The following NLGN1 variants were observed in gnomAD, a reference collection of about 807,000 sequenced individuals.
The protein encoded by NLGN1 is neuroligin-1.
A neutral mutation model predicts 65.5 loss-of-function variants in NLGN1; 12 were observed. The ratio of observed to expected loss-of-function variants is 0.18; its 90% CI spans 0.12 to 0.30. NLGN1 has a LOEUF of 0.30. Ranked by LOEUF, NLGN1 falls within the 10% of genes least tolerant of loss-of-function variation. The probability of loss-of-function intolerance (pLI) is 1.00; values close to 1 mark genes in which losing one functional copy is unlikely to be tolerated. For missense variants in NLGN1, 750 were observed against 1,007.1 expected, an observed-to-expected ratio of 0.74 and a Z score of 3.46; for synonymous variants, 350 against 359.5, an observed-to-expected ratio of 0.97 and a Z score of 0.30.
chr3:173,947,850 A>T (rs571987333), intron 4 of NLGN1, among the ~76,000 whole-genome samples: 2 of 152,346 alleles, frequency 1.3e-5, no homozygotes, highest in East Asian at 3.9e-4. Flanking sequence ...GTATAGAGTT[A>T]AGCAAATATC....
intron 4 of NLGN1, among the ~76,000 whole-genome samples, chr3:173,909,822 G>A (rs1453904630): frequency 6.6e-6 from 1 of 152,146 alleles, no homozygotes; most frequent in Non-Finnish European, 1.5e-5. Context: ...GGGAATACGG[G>A]CATGTGCCAC....
At chr3:174,233,486 CATAATAATAATAATA>C (rs57467873) in intron 4 of NLGN1, among the ~76,000 whole-genome samples, 7 of 146,910 alleles carry the variant, frequency 4.8e-5, no homozygotes, top group Non-Finnish European at 6.0e-5. Context: ...AACTCTGTCT[CATAATAATAATAATA>C]ATAATAATAA....
intron 2 of NLGN1, among the ~76,000 whole-genome samples, chr3:173,542,877 G>A (rs1382298696): frequency 1.3e-5 from 2 of 152,022 alleles, no homozygotes; most frequent in African/African-American, 4.8e-5. Context: ...ACTATAGAAC[G>A]TATCCTTTTA....
intron 4 of NLGN1, among the ~76,000 whole-genome samples, chr3:173,935,593 TACACACACAC>T (rs769538665): frequency 1.4e-5 from 2 of 142,688 alleles, no homozygotes; most frequent in Admixed American, 7.2e-5. Flanking sequence ...ATATACAGTC[TACACACACAC>T]ACACACACAC....
At chr3:174,123,432 T>C (rs1718198396) in intron 4 of NLGN1, among the ~76,000 whole-genome samples, 1 of 152,162 alleles carries the variant, frequency 6.6e-6, no homozygotes, top group African/African-American at 2.4e-5. Flanking sequence ...TTTTGTTTTG[T>C]TTACAATTCT....
intron 4 of NLGN1, among the ~76,000 whole-genome samples, chr3:173,843,338 A>T (rs1725149367): frequency 6.6e-6 from 1 of 152,236 alleles, no homozygotes; most frequent in Non-Finnish European, 1.5e-5. Context: ...GGGGATTAGC[A>T]TTCAGCTCCT....
At chr3:173,498,090 C>T (rs1730336460) in intron 2 of NLGN1, among the ~76,000 whole-genome samples, 1 of 151,566 alleles carries the variant, frequency 6.6e-6, no homozygotes, top group Admixed American at 6.6e-5. Flanking sequence ...TTTTAGGGTA[C>T]ATGTGCACAA....
intron 4 of NLGN1, among the ~76,000 whole-genome samples, chr3:173,901,559 C>A (rs12497584): frequency 2.0e-5 from 3 of 151,578 alleles, no homozygotes; most frequent in Non-Finnish European, 2.9e-5. Flanking sequence ...TGTAAGACTT[C>A]GGTATGTATG....
chr3:173,409,014 C>T (rs374276682), intron 1 of NLGN1, among the ~76,000 whole-genome samples: 31 of 151,988 alleles, frequency 2.0e-4, no homozygotes, highest in Non-Finnish European at 4.1e-4. Flanking sequence ...CATTTCTTCA[C>T]GAGCCTTCTC....
rs184009181 is a variant in NLGN1, at chr3:173,638,217, G to A, written c.493+33126G>A. ...TTTTTTTTTTTTATGTAGCCATAAAGGTGAAAAACTTGGCTGTGACTCTGT... is the reference window on the plus strand; with the variant it reads ...TTTTTTTTTTTTATGTAGCCATAAAAGTGAAAAACTTGGCTGTGACTCTGT... On this transcript the variant is annotated intron_variant, in intron 3 of 6. Transcript: ENST00000457714. Among the ~76,000 whole-genome samples the A allele has an allele frequency of 7.3e-3, 1,097 of 151,114 alleles. 17 individuals are homozygous for A. Among genetic ancestry groups the A allele is most frequent in the African/African-American group, 0.024 (990 of 41,240 alleles).
chr3:173,735,895 C>A (rs191804018), intron 3 of NLGN1, among the ~76,000 whole-genome samples: 27 of 152,046 alleles, frequency 1.8e-4, no homozygotes. Context: ...TTTTGAAATG[C>A]TTTTTTGTGT....
At chr3:173,885,815 A>C (rs1182276290) in intron 4 of NLGN1, among the ~76,000 whole-genome samples, 2 of 152,108 alleles carry the variant, frequency 1.3e-5, no homozygotes, top group Non-Finnish European at 2.9e-5. Flanking sequence ...AAATATGAAA[A>C]ACTGTATAAA....
intron 2 of NLGN1, among the ~76,000 whole-genome samples, chr3:173,516,657 T>C (rs2149115820): frequency 6.6e-6 from 1 of 152,202 alleles, no homozygotes; most frequent in Non-Finnish European, 1.5e-5. Context: ...GAAAACAAAG[T>C]CCAGGTTTCT....
chr3:173,850,661 A>G (rs1726739655), intron 4 of NLGN1, among the ~76,000 whole-genome samples: 1 of 152,124 alleles, frequency 6.6e-6, no homozygotes, highest in Non-Finnish European at 1.5e-5. Context: ...TGAAGTCCAC[A>G]TTTAACTAAT....
At chr3:174,107,762 A>G (rs1056900362) in intron 4 of NLGN1, among the ~76,000 whole-genome samples, 1 of 152,148 alleles carries the variant, frequency 6.6e-6, no homozygotes, top group Non-Finnish European at 1.5e-5. Flanking sequence ...CCAGCAATGT[A>G]TGAGTGATCT....
At chr3:173,758,899 A>T in intron 3 of NLGN1, among the ~76,000 whole-genome samples, 1 of 151,990 alleles carries the variant, frequency 6.6e-6, no homozygotes, top group East Asian at 1.9e-4. Context: ...CTTTAGAAAG[A>T]GCTGTAGATT....
chr3:174,233,833 G>T (rs1005051281), intron 4 of NLGN1, among the ~76,000 whole-genome samples: 3 of 152,068 alleles, frequency 2.0e-5, no homozygotes, highest in Non-Finnish European at 4.4e-5. Flanking sequence ...GTCCACAAAC[G>T]TAGATATTGC....
intron 4 of NLGN1, among the ~76,000 whole-genome samples, chr3:174,028,132 C>A (rs184716186): frequency 6.6e-6 from 1 of 152,220 alleles, no homozygotes; most frequent in East Asian, 1.9e-4. Flanking sequence ...AACCTCTTTT[C>A]CTTAAAAAGA....
At chr3:173,466,388 G>T (rs1029710065) in intron 2 of NLGN1, among the ~76,000 whole-genome samples, 12 of 152,132 alleles carry the variant, frequency 7.9e-5, no homozygotes, top group African/African-American at 2.9e-4. Flanking sequence ...AGCCCTGATA[G>T]AGTATTTGAG....
Sources: allele counts gnomAD v4.1 joint callset (sites outside exome capture counted in the v4.1 genomes callset), GRCh38; gene constraint gnomAD v4.1.1; transcripts MANE v1.5; gene names NCBI Gene and HGNC (gene_info 2026-07-23, HGNC 2026-07-21).